Variants in TMEFF2 observed in about 807,000 individuals in gnomAD.
TMEFF2 encodes tomoregulin-2.
In TMEFF2, 28 loss-of-function variants were observed where a neutral mutation model predicts 53.8. The ratio of observed to expected loss-of-function variants is 0.52; its 90% CI spans 0.39 to 0.71. TMEFF2 has a LOEUF of 0.71. Ranked by LOEUF, TMEFF2 falls within the 30% of genes least tolerant of loss-of-function variation. The probability of loss-of-function intolerance (pLI) is 0.00; values close to 1 mark genes in which losing one functional copy is unlikely to be tolerated. For missense variants in TMEFF2, 353 were observed against 455.2 expected (o/e 0.78, Z 2.04); for synonymous variants, 162 against 166.3 (o/e 0.97, Z 0.20).
rs572625561 is a variant in TMEFF2, at chr2:192,081,612, T to G, written c.440-23837A>C. Among the ~76,000 whole-genome samples, 6 of 152,278 alleles carry G rather than the reference T, an allele frequency of 3.9e-5. No individual in the cohort carries two copies. The East Asian group carries it at 1.2e-3, about 29-fold the overall frequency. ...AGGGATGATACAAAACTGATCTCAG[T>G]GGCAGAAAACTCCTAATGCTTTTTA... is the stretch of plus-strand genomic sequence containing the variant. On this transcript the variant is annotated intron_variant, in intron 4 of 9. Transcript: ENST00000272771.
intron 4 of TMEFF2, among the ~76,000 whole-genome samples, chr2:192,135,100 C>T (rs1454702817): frequency 1.3e-5 from 2 of 152,118 alleles, no homozygotes; most frequent in Non-Finnish European, 2.9e-5. Context: ...TAGACTGTGC[C>T]CCCAAAAAAA....
At chr2:192,142,766 G>A (rs1367068658) in intron 4 of TMEFF2, among the ~76,000 whole-genome samples, 1 of 152,098 alleles carries the variant, frequency 6.6e-6, no homozygotes, top group Admixed American at 6.6e-5. Flanking sequence ...AGCTACCACT[G>A]ATCTAACACA....
chr2:192,140,146 A>AAAATAATAAAATTC (rs1226726092), intron 4 of TMEFF2, among the ~76,000 whole-genome samples: 8 of 152,198 alleles, frequency 5.3e-5, no homozygotes, highest in South Asian at 2.1e-4. Flanking sequence ...AGACAATACC[A>AAAATAATAAAATTC]AAATAATAAA....
chr2:192,065,571 T>G (rs1688149696), intron 4 of TMEFF2, among the ~76,000 whole-genome samples: 1 of 151,826 alleles, frequency 6.6e-6, no homozygotes, highest in Admixed American at 6.6e-5. Context: ...TTTCTGCTAT[T>G]TTAGTCAATA....
chr2:192,154,371 A>G (rs113080420), intron 4 of TMEFF2, among the ~76,000 whole-genome samples: 33 of 152,120 alleles, frequency 2.2e-4, no homozygotes, highest in Admixed American at 8.5e-4. Context: ...GTAAGCATGG[A>G]CATAATGATA....
At chr2:192,158,375 A>C (rs57057079) in intron 4 of TMEFF2, among the ~76,000 whole-genome samples, 64,240 of 133,240 alleles carry the variant, frequency 0.48, 14,468 homozygotes, top group Non-Finnish European at 0.58. Context: ...TATTATTTTT[A>C]ATAAAGCTAG....
intron 4 of TMEFF2, among the ~76,000 whole-genome samples, chr2:192,071,915 T>C (rs1688302065): frequency 6.6e-6 from 1 of 151,856 alleles, no homozygotes; most frequent in Non-Finnish European, 1.5e-5. Context: ...GCTGAGTCAC[T>C]GAGAAAAATG....
intron 5 of TMEFF2, among the ~76,000 whole-genome samples, chr2:192,056,527 G>T (rs1426375194): frequency 6.6e-6 from 1 of 152,138 alleles, no homozygotes; most frequent in Admixed American, 6.5e-5. Context: ...TTTTCAATGT[G>T]CTTAAGGTGG....
At chr2:192,165,371 C>T (rs933523321) in intron 4 of TMEFF2, among the ~76,000 whole-genome samples, 2 of 152,090 alleles carry the variant, frequency 1.3e-5, no homozygotes, top group African/African-American at 4.8e-5. Context: ...GGTGATATGT[C>T]TTTCTTGAAG....
At chr2:192,131,831 C>T (rs1415933951) in intron 4 of TMEFF2, among the ~76,000 whole-genome samples, 1 of 152,152 alleles carries the variant, frequency 6.6e-6, no homozygotes, top group Non-Finnish European at 1.5e-5. Flanking sequence ...CCAATACAAA[C>T]TCGACAGTAG....
At position 192,157,058 on chromosome 2, in the gene TMEFF2, C is replaced by T. The variant is rs143280162; in HGVS notation, c.439+22610G>A. ...TAGATAAGATAGCTATGAAATTCTTCCCTGGCAACCTCCAGAATATTTAAT... is the reference window on the plus strand; with the variant it reads ...TAGATAAGATAGCTATGAAATTCTTTCCTGGCAACCTCCAGAATATTTAAT... On this transcript the variant is annotated intron_variant, in intron 4 of 9. Coordinates refer to ENST00000272771, the MANE Select transcript of TMEFF2 (RefSeq NM_016192.4). Among the ~76,000 whole-genome samples the T allele has an allele frequency of 1.8e-3, 280 of 151,766 alleles. 1 individual carries two copies. The highest frequency in any genetic ancestry group is 6.3e-3 in the African/African-American group (262 of 41,386).
At chr2:192,057,156 T>TC (rs1687928979) in intron 5 of TMEFF2, among the ~76,000 whole-genome samples, 1 of 152,086 alleles carries the variant, frequency 6.6e-6, no homozygotes, top group African/African-American at 2.4e-5. Flanking sequence ...TGTTCCTCCC[T>TC]CCTCAGCCTC....
intron 4 of TMEFF2, among the ~76,000 whole-genome samples, chr2:192,115,853 TGG>T (rs1242134574): frequency 6.6e-6 from 1 of 151,908 alleles, no homozygotes; most frequent in Non-Finnish European, 1.5e-5. Flanking sequence ...GCCAGGGATG[TGG>T]GGAAAAGGGA....
intron 5 of TMEFF2, 39 bp from the exon 6 acceptor site, chr2:191,999,247 GTGT>G (rs1686298506): frequency 2.0e-6 from 3 of 1,494,912 alleles, no homozygotes; most frequent in Non-Finnish European, 9.1e-7. Flanking sequence ...AACATCAATA[GTGT>G]TGTTACCACA....
intron 4 of TMEFF2, among the ~76,000 whole-genome samples, chr2:192,161,928 T>C (rs1366444182): frequency 1.3e-5 from 2 of 152,204 alleles, no homozygotes; most frequent in East Asian, 3.8e-4. Flanking sequence ...CATGATGAGA[T>C]GCTTGATGTT....
intron 2 of TMEFF2, among the ~76,000 whole-genome samples, chr2:192,188,423 G>A (rs1271186559): frequency 6.6e-6 from 1 of 152,176 alleles, no homozygotes; most frequent in African/African-American, 2.4e-5. Flanking sequence ...ACATATGAGT[G>A]AGAACCCTCA....
At chr2:192,103,960 G>A (rs572520578) in intron 4 of TMEFF2, among the ~76,000 whole-genome samples, 1 of 152,044 alleles carries the variant, frequency 6.6e-6, no homozygotes, top group Admixed American at 6.6e-5. Flanking sequence ...TTTACTCTGA[G>A]CAAGATGGAA....
chr2:192,011,225 A>G (rs1158068128), intron 5 of TMEFF2, among the ~76,000 whole-genome samples: 3 of 152,200 alleles, frequency 2.0e-5, no homozygotes, highest in Non-Finnish European at 1.5e-5. Flanking sequence ...GACACTTACA[A>G]ATCACTGAAT....
At position 192,054,514 on chromosome 2, in the gene TMEFF2, C is replaced by T. The variant is rs547006248; in HGVS notation, c.536+3165G>A. On this transcript the variant is annotated intron_variant, in intron 5 of 9. Transcript: ENST00000272771. Reference sequence around the variant, plus strand: ...GCCTTTCTGGTGCCACTATCCTTGCCCATATCTTTTCATACTGCCTTCATA... The same window carrying T: ...GCCTTTCTGGTGCCACTATCCTTGCTCATATCTTTTCATACTGCCTTCATA... Among the ~76,000 whole-genome samples, 4 of 152,200 alleles carry T rather than the reference C, an allele frequency of 2.6e-5. No individual in the cohort carries two copies. The South Asian group carries it at 8.3e-4, about 32-fold the overall frequency.
Sources: allele counts gnomAD v4.1 joint callset (sites outside exome capture counted in the v4.1 genomes callset), GRCh38; gene constraint gnomAD v4.1.1; transcripts MANE v1.5; gene names NCBI Gene and HGNC (gene_info 2026-07-23, HGNC 2026-07-21).